Variants in GMDS observed in about 807,000 individuals in gnomAD.
GMDS encodes the protein GDP-mannose 4,6 dehydratase.
A neutral mutation model predicts 49.9 loss-of-function variants in GMDS; 20 were observed. The observed-to-expected ratio is 0.40, with a 90% CI of 0.28 to 0.58. The LOEUF is 0.58. Among genes scored for constraint, GMDS ranks in the 20% least tolerant of loss-of-function variants. The pLI, the probability that GMDS is intolerant of heterozygous loss-of-function variation, is 0.42. For missense variants in GMDS, 362 were observed against 481.4 expected (o/e 0.75, Z 2.32); for synonymous variants, 177 against 178.6 (o/e 0.99, Z 0.07).
At chr6:2,022,413 G>A (rs1768333064) in intron 4 of GMDS, among the ~76,000 whole-genome samples, 2 of 152,024 alleles carry the variant, frequency 1.3e-5, no homozygotes, top group Admixed American at 6.6e-5. Context: ...GGTATTTTTT[G>A]CATTCGTGAG....
intron 9 of GMDS, among the ~76,000 whole-genome samples, chr6:1,658,131 G>C (rs900643873): frequency 6.6e-6 from 1 of 152,212 alleles, no homozygotes; most frequent in Non-Finnish European, 1.5e-5. Flanking sequence ...ATAATTTTGA[G>C]GGTTATTTGC....
intron 7 of GMDS, among the ~76,000 whole-genome samples, chr6:1,882,007 A>G (rs1759388004): frequency 6.6e-6 from 1 of 152,232 alleles, no homozygotes. Context: ...TTGGTCCACA[A>G]AAGATAATCT....
intron 9 of GMDS, among the ~76,000 whole-genome samples, chr6:1,705,221 A>C (rs1338817881): frequency 2.6e-5 from 4 of 152,264 alleles, no homozygotes; most frequent in African/African-American, 7.2e-5. Context: ...AGACACAAAT[A>C]ATCAGAGTAC....
chr6:1,686,869 G>C (rs115536126), intron 9 of GMDS, among the ~76,000 whole-genome samples: 99 of 152,286 alleles, frequency 6.5e-4, no homozygotes, highest in African/African-American at 2.3e-3. Context: ...GTTATCCTTG[G>C]AGGCAATACA....
At chr6:2,231,037 G>A (rs1229302948) in intron 1 of GMDS, among the ~76,000 whole-genome samples, 1 of 146,954 alleles carries the variant, frequency 6.8e-6, no homozygotes, top group Non-Finnish European at 1.5e-5. Flanking sequence ...AGGGGGACAA[G>A]AAAGAGTGCC....
At chr6:1,957,279 T>G (rs1763691603) in intron 6 of GMDS, among the ~76,000 whole-genome samples, 2 of 152,184 alleles carry the variant, frequency 1.3e-5, no homozygotes, top group African/African-American at 4.8e-5. Flanking sequence ...ACTGAATGCT[T>G]ATTAGCAATT....
intron 9 of GMDS, among the ~76,000 whole-genome samples, chr6:1,694,188 G>C (rs1235315073): frequency 6.6e-6 from 1 of 152,046 alleles, no homozygotes. Context: ...ACTATGCTAC[G>C]GATTGTAAGA....
intron 1 of GMDS, among the ~76,000 whole-genome samples, chr6:2,216,267 T>C (rs1780329136): frequency 6.6e-6 from 1 of 152,252 alleles, no homozygotes; most frequent in Admixed American, 6.5e-5. Context: ...TTACACAGCA[T>C]TTAAAGTTCA....
intron 4 of GMDS, among the ~76,000 whole-genome samples, chr6:1,965,038 A>G (rs1016638438): frequency 1.4e-5 from 2 of 141,170 alleles, no homozygotes; most frequent in African/African-American, 5.3e-5. Context: ...TCCATGGTGT[A>G]TATGTGCCAC....
At chr6:1,799,269 T>C (rs1769855726) in intron 7 of GMDS, among the ~76,000 whole-genome samples, 1 of 152,126 alleles carries the variant, frequency 6.6e-6, no homozygotes, top group South Asian at 2.1e-4. Context: ...CCCCTCAATG[T>C]TCAGATAATA....
At chr6:1,793,178 G>C (rs1203680925) in intron 7 of GMDS, among the ~76,000 whole-genome samples, 1 of 152,182 alleles carries the variant, frequency 6.6e-6, no homozygotes, top group African/African-American at 2.4e-5. Context: ...CTGTGGGGCA[G>C]TTTCCTGGGT....
intron 9 of GMDS, among the ~76,000 whole-genome samples, chr6:1,629,248 C>G (rs555269413): frequency 6.6e-6 from 1 of 152,138 alleles, no homozygotes; most frequent in East Asian, 1.9e-4. Flanking sequence ...AAAGAGGGAG[C>G]GAATGTCCGA....
At chr6:1,957,310 A>G (rs1272030301) in intron 6 of GMDS, among the ~76,000 whole-genome samples, 1 of 152,220 alleles carries the variant, frequency 6.6e-6, no homozygotes, top group Non-Finnish European at 1.5e-5. Flanking sequence ...TGGAAGCTGG[A>G]GATGTATGAA....
At position 1,944,435 on chromosome 6, in the gene GMDS, G is replaced by A. The variant is rs569316637; in HGVS notation, c.644-14205C>T. Among the ~76,000 whole-genome samples, 35 of 152,076 alleles carry A rather than the reference G, an allele frequency of 2.3e-4. No individual in the cohort carries two copies. In the East Asian group the frequency reaches 5.8e-3, roughly 25 times the overall value. On this transcript the variant is annotated intron_variant, in intron 6 of 10. Transcript: ENST00000380815. ...CAGGAGAATGGCGTGAATCTGGGAG[G>A]CAGAGCTTGCAGTGAGCCGAGATGG...
intron 4 of GMDS, among the ~76,000 whole-genome samples, chr6:1,990,188 C>T (rs1765845266): frequency 6.6e-6 from 1 of 152,126 alleles, no homozygotes; most frequent in Non-Finnish European, 1.5e-5. Flanking sequence ...CCCAGCTACC[C>T]AGGAGACTGA....
chr6:1,695,352 T>C (rs1350606937), intron 9 of GMDS, among the ~76,000 whole-genome samples: 1 of 152,226 alleles, frequency 6.6e-6, no homozygotes, highest in East Asian at 1.9e-4. Context: ...GAAATTCAAC[T>C]ACCTTTGAGG....
chr6:2,167,188 T>C (rs1394101529), intron 1 of GMDS, among the ~76,000 whole-genome samples: 1 of 152,190 alleles, frequency 6.6e-6, no homozygotes, highest in Non-Finnish European at 1.5e-5. Flanking sequence ...GCATTTCACT[T>C]GGTTAACCAG....
intron 7 of GMDS, among the ~76,000 whole-genome samples, chr6:1,889,061 T>C (rs529398998): frequency 2.0e-5 from 3 of 152,344 alleles, no homozygotes; most frequent in African/African-American, 7.2e-5. Flanking sequence ...TATTTAAAAA[T>C]ATATATGTAT....
chr6:1,841,099 A>G (rs908163595), intron 7 of GMDS, among the ~76,000 whole-genome samples: 5 of 152,306 alleles, frequency 3.3e-5, no homozygotes, highest in Admixed American at 3.3e-4. Flanking sequence ...GATTTTTTTA[A>G]GCTTTGTTGA....
Sources: allele counts gnomAD v4.1 joint callset (sites outside exome capture counted in the v4.1 genomes callset), GRCh38; gene constraint gnomAD v4.1.1; transcripts MANE v1.5; gene names NCBI Gene and HGNC (gene_info 2026-07-23, HGNC 2026-07-21).